The following BCOR variants were observed in gnomAD, a reference collection of about 807,000 sequenced individuals.
The protein encoded by BCOR is BCL-6 corepressor.
In BCOR, 10 loss-of-function variants were observed where a neutral mutation model predicts 86.7. The ratio of observed to expected loss-of-function variants is 0.12; its 90% confidence interval spans 0.07 to 0.20. The LOEUF is 0.20. Among genes scored for constraint, BCOR ranks in the 10% least tolerant of loss-of-function variants. The pLI is 1.00. For missense variants in BCOR, 1,259 were observed against 1,452.1 expected, an observed-to-expected ratio of 0.87 and a Z score of 2.16; for synonymous variants, 611 against 609.0, an observed-to-expected ratio of 1.00 and a Z score of -0.05.
At chrX:40,099,565 G>A (rs1270806519), upstream of BCOR, among the ~76,000 whole-genome samples, 1 of 112,081 alleles carries the variant, frequency 8.9e-6, no homozygotes, top group Non-Finnish European at 1.9e-5. Flanking sequence ...ATCCTGGAGT[G>A]TCCCCATGCC....
At chrX:40,064,022 T>G in intron 7 of BCOR, 70 bp from the exon 8 acceptor site, 1 of 338,721 alleles carries the variant, frequency 3.0e-6, no homozygotes, top group Non-Finnish European at 4.8e-6. Context: ...TACGCATCAC[T>G]AATGGGGTGG....
intron 1 of BCOR, among the ~76,000 whole-genome samples, chrX:40,161,110 C>T (rs1449293294): frequency 1.9e-5 from 2 of 107,698 alleles, no homozygotes; most frequent in African/African-American, 6.8e-5. Context: ...CGGGCTGGAG[C>T]GATTCTCCCA....
chrX:40,157,113 C>T (rs1451038672), intron 1 of BCOR, among the ~76,000 whole-genome samples: 1 of 113,331 alleles, frequency 8.8e-6, no homozygotes, highest in Non-Finnish European at 1.9e-5. Context: ...GGAGGCCTGG[C>T]TCCAAAGGGC....
chrX:40,110,661 C>CTTTTTTTTT (rs1569182584), intron 1 of BCOR, among the ~76,000 whole-genome samples: 2 of 24,672 alleles, frequency 8.1e-5, no homozygotes, highest in Non-Finnish European at 1.0e-4. Flanking sequence ...TTCTTTTTTC[C>CTTTTTTTTT]TTTTTCTTTT....
At chrX:40,084,677 A>C (rs1367581716) in intron 1 of BCOR, among the ~76,000 whole-genome samples, 1 of 109,672 alleles carries the variant, frequency 9.1e-6, no homozygotes, top group African/African-American at 3.4e-5. Flanking sequence ...GCTTTGTAGG[A>C]GTAAAACACA....
chrX:40,072,656 G>C lies in BCOR; in HGVS notation c.2690C>G (p.Ser897Trp). ...CAGAGGTGGCTCCAGGAATGGAGTC[G>C]AGACTGGCAACCCTAGGTTCTCTTT... is the stretch of plus-strand genomic sequence containing the variant. The part of the protein sequence containing the change: ...TNKENLGLPV[S>W]TPFLEPPLGS... The change falls in exon 4 of 15, where the codon TCG (serine) becomes TGG (tryptophan). Residue 897 changes from serine to tryptophan, a missense_variant. Coordinates refer to ENST00000378444, the MANE Select transcript of BCOR (RefSeq NM_001123385.2). 1 of 1,212,019 alleles carries C rather than the reference G, an allele frequency of 8.3e-7. No homozygotes were observed. Among genetic ancestry groups the C allele is most frequent in the Non-Finnish European group, 1.1e-6 (1 of 895,543 alleles).
rs148520586 is a variant in BCOR at position 40,062,286 on chromosome X, T to A, written c.4281A>T (p.Pro1427=). 2.0e-5 allele frequency: 24 copies of A among 1,208,540 alleles called. No homozygotes were observed. The African/African-American group carries it at 4.0e-4, about 20-fold the overall frequency. The change falls in exon 10 of 15, where the codon CCA becomes CCT. Residue 1427 remains proline (P), a synonymous_variant. Transcript: ENST00000378444. ...KPFDRLQQLL[P]ASQSTQLPCS... The stretch of plus-strand genomic sequence containing the variant: ...ATGGCAGCTGTGTGGACTGGGAGGC[T>A]GGTAGCAGTTGCTGCAAGCGGTCGA...
chrX:40,085,182 G>A, intron 1 of BCOR, among the ~76,000 whole-genome samples: 1 of 112,986 alleles, frequency 8.9e-6, no homozygotes, highest in Non-Finnish European at 1.9e-5. Flanking sequence ...CTCGGAGCAC[G>A]ATAACAAGTG....
In BCOR at chrX:40,072,919, GAGA is replaced by G. The variant is rs1935552878; in HGVS notation, c.2424_2426del (p.Leu809del). ...CAGTTTTAGCATCTGGTTCTTCTCG[GAGA>G]AGGTCTACGTAGACAAGCTTGTCGC... is the stretch of plus-strand genomic sequence containing the variant. On this transcript the variant is annotated inframe_deletion, in exon 4 of 15. Transcript: ENST00000378444. 1.7e-6 allele frequency: 2 copies of G among 1,211,647 alleles called. No individual in the cohort carries two copies. Among genetic ancestry groups the G allele is most frequent in the Non-Finnish European group, 2.2e-6 (2 of 895,471 alleles).
intron 1 of BCOR, among the ~76,000 whole-genome samples, chrX:40,103,895 C>T (rs1478494463): frequency 1.8e-5 from 2 of 111,168 alleles, no homozygotes; most frequent in Non-Finnish European, 3.8e-5. Flanking sequence ...TCTTATCTCG[C>T]AAAAATGCTC....
Position 40,073,789 on chromosome X carries a change from C to G in BCOR, c.1557G>C (p.Glu519Asp), listed in dbSNP as rs762205243. The change falls in exon 4 of 15, where the codon GAG becomes GAC. Residue 519 changes from glutamate (E) to aspartate (D), a missense_variant. Glu to Asp is a conservative substitution (Grantham distance 45). Transcript: ENST00000378444. Reference sequence around the variant, plus strand: ...TCAGCGACATGCTTTTGCCATTGTTCTCTTCGTTAGGACTTGGCCCGGGCA... The same window carrying G: ...TCAGCGACATGCTTTTGCCATTGTTGTCTTCGTTAGGACTTGGCCCGGGCA... ...WVVPGPSPNE[E>D]NNGKSMSLKN... The G allele has an allele frequency of 2.5e-6, 3 of 1,212,512 alleles. No individual in the cohort carries two copies. The highest frequency in any genetic ancestry group is 3.0e-5 in the East Asian group (1 of 33,862).
chrX:40,131,636 A>G (rs1276713624), intron 1 of BCOR, among the ~76,000 whole-genome samples: 1 of 108,493 alleles, frequency 9.2e-6, no homozygotes, highest in Non-Finnish European at 1.9e-5. Context: ...AACAAGAGCG[A>G]AACTCTGTCA....
At chrX:40,169,660 C>G (rs767156863) in intron 1 of BCOR, among the ~76,000 whole-genome samples, 3 of 111,348 alleles carry the variant, frequency 2.7e-5, no homozygotes, top group Non-Finnish European at 1.9e-5. Flanking sequence ...AGGACAATCC[C>G]CCCCCTACTG....
intron 6 of BCOR, 54 bp downstream of exon 6, chrX:40,070,919 C>T: frequency 8.9e-7 from 1 of 1,129,574 alleles, no homozygotes; most frequent in Non-Finnish European, 1.2e-6. Context: ...TTTCTCCAAG[C>T]AGATGCCAAC....
Position 40,054,043 on chromosome X carries a change from C to G in BCOR, c.4820-1G>C. 1 of 1,210,694 alleles carries G rather than the reference C, an allele frequency of 8.3e-7. No homozygotes were observed. ...TCATAGCCACTTTCATCATCTGGTT[C>G]TAATGGAGGGCAAATAAGAGAGGAA... On this transcript the variant is annotated splice_acceptor_variant, in intron 13 of 14. Transcript: ENST00000378444. LOFTEE classifies it high-confidence loss of function.
intron 10 of BCOR, among the ~76,000 whole-genome samples, chrX:40,060,316 A>G (rs1934806625): frequency 8.9e-6 from 1 of 112,423 alleles, no homozygotes; most frequent in African/African-American, 3.2e-5. Flanking sequence ...TTTACATTTG[A>G]AGGGGAAAAG....
intron 1 of BCOR, among the ~76,000 whole-genome samples, chrX:40,103,156 C>T (rs1054574606): frequency 9.0e-6 from 1 of 110,587 alleles, no homozygotes; most frequent in Non-Finnish European, 1.9e-5. Context: ...CTTCTGTGTG[C>T]GGCGGAGGGA....
At chrX:40,134,926 C>A (rs183552914) in intron 1 of BCOR, among the ~76,000 whole-genome samples, 60 of 111,826 alleles carry the variant, frequency 5.4e-4, no homozygotes, top group African/African-American at 1.7e-3. Flanking sequence ...TCAATTGAAC[C>A]AAGAGCTTTC....
At chrX:40,085,254 G>GA (rs1488506869) in intron 1 of BCOR, among the ~76,000 whole-genome samples, 1 of 112,266 alleles carries the variant, frequency 8.9e-6, no homozygotes, top group Non-Finnish European at 1.9e-5. Context: ...TTGCTTGGGG[G>GA]AAAAAAAGCC....
Sources: allele counts gnomAD v4.1 joint callset (sites outside exome capture counted in the v4.1 genomes callset), GRCh38; gene constraint gnomAD v4.1.1; transcripts MANE v1.5; gene names NCBI Gene and HGNC (gene_info 2026-07-23, HGNC 2026-07-21).